The following KCNB2 variants were observed in gnomAD, a reference collection of about 807,000 sequenced individuals.
KCNB2 encodes the protein delayed rectifier potassium channel protein.
KCNB2 carries 15 observed loss-of-function variants against 61.5 expected under a neutral mutation model. The ratio of observed to expected loss-of-function variants is 0.24; its 90% CI spans 0.16 to 0.38. The LOEUF (loss-of-function observed/expected upper bound fraction) is 0.38, where lower values mean the gene tolerates loss of function less well. Ranked by LOEUF, KCNB2 falls within the 10% of genes least tolerant of loss-of-function variation. The pLI is 1.00. For missense variants in KCNB2, 828 were observed against 1,125.2 expected, an observed-to-expected ratio of 0.74 and a Z score of 3.78; for synonymous variants, 457 against 446.0, an observed-to-expected ratio of 1.02 and a Z score of -0.31.
Position 72,611,125 on chromosome 8 carries a change from C to A in KCNB2, c.579+42812C>A, listed in dbSNP as rs182851324. ...CACTGAAGAAAAGGAAAAAGAAAATCTATGTGCTATCCATTTTGAAACTGA... is the reference window on the plus strand; with the variant it reads ...CACTGAAGAAAAGGAAAAAGAAAATATATGTGCTATCCATTTTGAAACTGA... On this transcript the variant is annotated intron_variant, in intron 2 of 2. Transcript: ENST00000523207. Among the ~76,000 whole-genome samples, 86 of 152,246 alleles carry A rather than the reference C, an allele frequency of 5.6e-4. 1 individual carries two copies. The East Asian group carries it at 0.015, about 26-fold the overall frequency.
intron 2 of KCNB2, among the ~76,000 whole-genome samples, chr8:72,905,432 A>G (rs1304793102): frequency 6.6e-6 from 1 of 152,162 alleles, no homozygotes; most frequent in Non-Finnish European, 1.5e-5. Flanking sequence ...GAAATTCAGA[A>G]CTTTATAGAA....
At chr8:72,753,926 A>G (rs1439409468) in intron 2 of KCNB2, among the ~76,000 whole-genome samples, 1 of 152,182 alleles carries the variant, frequency 6.6e-6, no homozygotes, top group African/African-American at 2.4e-5. Context: ...TGAATCTGTG[A>G]GAACTGGGAT....
intron 2 of KCNB2, chr8:72,661,484 G>A (rs1806380689): frequency 6.6e-6 from 1 of 152,194 alleles, no homozygotes; most frequent in African/African-American, 2.4e-5. Context: ...TCTTTAGCAA[G>A]AGATCATCTA....
chr8:72,706,861 C>T (rs1462914510), intron 2 of KCNB2, among the ~76,000 whole-genome samples: 1 of 152,340 alleles, frequency 6.6e-6, no homozygotes, highest in South Asian at 2.1e-4. Context: ...AACCTACCCA[C>T]AGTCCCAGTC....
intron 2 of KCNB2, among the ~76,000 whole-genome samples, chr8:72,767,460 A>G (rs985602390): frequency 7.9e-5 from 12 of 152,208 alleles, no homozygotes; most frequent in African/African-American, 2.2e-4. Flanking sequence ...TCTGTTTCAT[A>G]TAAATGGAAT....
chr8:72,696,171 A>G (rs1807016277), intron 2 of KCNB2, among the ~76,000 whole-genome samples: 1 of 152,092 alleles, frequency 6.6e-6, no homozygotes, highest in South Asian at 2.1e-4. Flanking sequence ...TCCTTCAATA[A>G]ATATTTATTA....
chr8:72,853,826 C>T (rs1357959548), intron 2 of KCNB2, among the ~76,000 whole-genome samples: 1 of 152,200 alleles, frequency 6.6e-6, no homozygotes, highest in Non-Finnish European at 1.5e-5. Context: ...TTTCTCTGCA[C>T]CGTCACGTGA....
chr8:72,888,602 A>G (rs1386250140), intron 2 of KCNB2, among the ~76,000 whole-genome samples: 1 of 152,246 alleles, frequency 6.6e-6, no homozygotes, highest in Non-Finnish European at 1.5e-5. Context: ...ATAAGAAAAC[A>G]TTCCATAAAC....
chr8:72,661,918 T>C (rs1806387516), intron 2 of KCNB2, among the ~76,000 whole-genome samples: 1 of 152,136 alleles, frequency 6.6e-6, no homozygotes, highest in Non-Finnish European at 1.5e-5. Flanking sequence ...TTGTCTTTGG[T>C]TTTGTTTTGT....
In KCNB2 at chr8:72,938,114, G is replaced by GAAACA. The variant is rs529084229; in HGVS notation, c.*43_*47dup. The GAAACA allele has an allele frequency of 4.3e-5, 66 of 1,532,656 alleles. No individual in the cohort carries two copies. The East Asian group carries it at 6.1e-4, about 14-fold the overall frequency. 94.9% of individuals were successfully genotyped at this position (1,532,656 alleles called of 1,614,324 possible). A position where few individuals can be genotyped will look rare whatever the true frequency, so the allele number is the denominator to read the frequency against. Reference sequence around the variant, plus strand: ...TGACTAGTTACAAAAGCAATAAATTGAAACAAAACAAAACAAAACAAAACT... The same window carrying GAAACA: ...TGACTAGTTACAAAAGCAATAAATTGAAACAAAACAAAACAAAACAAAACAAAACT... On this transcript the variant is annotated 3_prime_UTR_variant, in exon 3 of 3. Coordinates refer to ENST00000523207, the MANE Select transcript of KCNB2 (RefSeq NM_004770.3).
chr8:72,764,868 C>G lies in KCNB2; in HGVS notation c.580-171067C>G, dbSNP rs549324738. Among the ~76,000 whole-genome samples, 3 of 152,130 alleles carry G rather than the reference C, an allele frequency of 2.0e-5. No homozygotes were observed. The South Asian group carries it at 6.2e-4, about 32-fold the overall frequency. ...GCATAGACCAGAATTAGTGTCTATT[C>G]TGGGCAAAATATATCTGCCAAATTC... On this transcript the variant is annotated intron_variant, in intron 2 of 2. Coordinates refer to ENST00000523207, the MANE Select transcript of KCNB2 (RefSeq NM_004770.3).
chr8:72,748,614 T>TG (rs528086543), intron 2 of KCNB2, among the ~76,000 whole-genome samples: 82 of 150,004 alleles, frequency 5.5e-4, no homozygotes, highest in Non-Finnish European at 8.2e-4. Flanking sequence ...TTTTTGTTGT[T>TG]TTTTTTTTTT....
At chr8:72,714,725 A>G (rs929602185) in intron 2 of KCNB2, among the ~76,000 whole-genome samples, 3 of 152,194 alleles carry the variant, frequency 2.0e-5, no homozygotes, top group South Asian at 2.1e-4. Flanking sequence ...TGTAAAGACC[A>G]TCAAGGCTAG....
intron 2 of KCNB2, among the ~76,000 whole-genome samples, chr8:72,721,074 A>T (rs1279990224): frequency 6.6e-6 from 1 of 152,226 alleles, no homozygotes; most frequent in Non-Finnish European, 1.5e-5. Flanking sequence ...CCAAATCTGG[A>T]CTTTGTCATA....
chr8:72,607,374 T>C (rs1179103490), intron 2 of KCNB2, among the ~76,000 whole-genome samples: 1 of 152,134 alleles, frequency 6.6e-6, no homozygotes, highest in Admixed American at 6.5e-5. Flanking sequence ...AAGGACCCCT[T>C]GTTTCAAATG....
intron 2 of KCNB2, among the ~76,000 whole-genome samples, chr8:72,639,387 A>G (rs1208637565): frequency 2.6e-5 from 4 of 152,184 alleles, no homozygotes; most frequent in Non-Finnish European, 4.4e-5. Flanking sequence ...ACACGTTTTC[A>G]GCTCTCATGA....
rs565115914 is a variant in KCNB2, at chr8:72,863,386, G to A, written c.580-72549G>A. 7.2e-5 allele frequency among the ~76,000 whole-genome samples: 11 copies of A among 152,070 alleles called. 1 individual carries two copies. Among genetic ancestry groups the A allele is most frequent in the South Asian group, 6.2e-4 (3 of 4,830 alleles). On this transcript the variant is annotated intron_variant, in intron 2 of 2. Transcript: ENST00000523207. ...CAAAATGATAATAAATTTTGAATTCGTGGAATTTTTATTAGGTTTTTGTAT... is the reference window on the plus strand; with the variant it reads ...CAAAATGATAATAAATTTTGAATTCATGGAATTTTTATTAGGTTTTTGTAT...
chr8:72,803,602 T>C (rs1039642081), intron 2 of KCNB2, among the ~76,000 whole-genome samples: 1 of 152,142 alleles, frequency 6.6e-6, no homozygotes, highest in Non-Finnish European at 1.5e-5. Flanking sequence ...CCTCCTTCAC[T>C]CCTCTCTATA....
chr8:72,859,199 G>A (rs1188578026), intron 2 of KCNB2, among the ~76,000 whole-genome samples: 1 of 152,120 alleles, frequency 6.6e-6, no homozygotes, highest in African/African-American at 2.4e-5. Context: ...GTCTGCTGTG[G>A]TTATTGGCAT....
Sources: allele counts gnomAD v4.1 joint callset (sites outside exome capture counted in the v4.1 genomes callset), GRCh38; gene constraint gnomAD v4.1.1; transcripts MANE v1.5; gene names NCBI Gene and HGNC (gene_info 2026-07-23, HGNC 2026-07-21).